Variants in TNFSF8 observed in about 807,000 individuals in gnomAD.
TNFSF8 encodes TNF superfamily member 8.
Under a neutral mutation model 22.0 loss-of-function variants are expected in TNFSF8, and 4 were observed. The observed-to-expected ratio is 0.18, with a 90% CI of 0.09 to 0.42. The LOEUF is 0.42. TNFSF8 is among the 10% of genes least tolerant of loss of function. The probability of loss-of-function intolerance (pLI) is 1.00; values close to 1 mark genes in which losing one functional copy is unlikely to be tolerated. For synonymous variants in TNFSF8, 106 were observed against 112.5 expected (o/e 0.94, Z 0.37); for missense variants, 233 against 281.8 (o/e 0.83, Z 1.24).
downstream of TNFSF8, among the ~76,000 whole-genome samples, chr9:114,899,286 G>A (rs1827689794): frequency 6.6e-6 from 1 of 151,918 alleles, no homozygotes; most frequent in African/African-American, 2.4e-5. Flanking sequence ...TTTTGGAAAT[G>A]TGGGTTGTGA....
At chr9:114,898,252 T>C (rs1039287143), downstream of TNFSF8, among the ~76,000 whole-genome samples, 22 of 152,168 alleles carry the variant, frequency 1.4e-4, no homozygotes, top group African/African-American at 5.3e-4. Flanking sequence ...TCCGCCCGCC[T>C]CGACCTCCCA....
At chr9:114,907,010 C>T (rs1244446210) in intron 2 of TNFSF8, among the ~76,000 whole-genome samples, 1 of 152,180 alleles carries the variant, frequency 6.6e-6, no homozygotes, top group Non-Finnish European at 1.5e-5. Flanking sequence ...AGCAGCCACA[C>T]CCTGGGATAT....
At chr9:114,895,374 C>T (rs930829000) in intron 4 of TNFSF8, among the ~76,000 whole-genome samples, 7 of 152,224 alleles carry the variant, frequency 4.6e-5, no homozygotes, top group African/African-American at 1.7e-4. Context: ...CTTGATACTG[C>T]ATCTCGCAAA....
intron 4 of TNFSF8, among the ~76,000 whole-genome samples, chr9:114,894,693 T>G (rs1355016494): frequency 1.3e-5 from 2 of 152,228 alleles, no homozygotes; most frequent in African/African-American, 4.8e-5. Flanking sequence ...TTCCATGTGG[T>G]GCCTGAAACC....
At chr9:114,918,193 CTT>C in intron 1 of TNFSF8, 55 bp from the exon 2 acceptor site, 5 of 1,434,778 alleles carry the variant, frequency 3.5e-6, no homozygotes, top group South Asian at 1.3e-5. Context: ...GTTGAAACAA[CTT>C]TTTTTTTTCT....
intron 1 of TNFSF8, among the ~76,000 whole-genome samples, chr9:114,923,662 T>G (rs1828021512): frequency 6.6e-6 from 1 of 151,850 alleles, no homozygotes; most frequent in South Asian, 2.1e-4. Flanking sequence ...GGACTACAGG[T>G]GTGTGCCACC....
At chr9:114,899,039 A>G (rs146025413), downstream of TNFSF8, among the ~76,000 whole-genome samples, 7 of 152,126 alleles carry the variant, frequency 4.6e-5, no homozygotes, top group Admixed American at 1.3e-4. Flanking sequence ...CTTCTCCCCC[A>G]CCACCTAGGC....
At chr9:114,894,002 G>T in exon 5 of TNFSF8, 1 of 1,249,518 alleles carries the variant, frequency 8.0e-7, no homozygotes, top group Non-Finnish European at 1.1e-6. Context: ...GTACCATCAA[G>T]TTCATGACTT....
chr9:114,898,455 G>A (rs148324317), downstream of TNFSF8, among the ~76,000 whole-genome samples: 8 of 152,326 alleles, frequency 5.3e-5, no homozygotes, highest in East Asian at 1.5e-3. Flanking sequence ...GGATTTATAA[G>A]GAGTAAGACT....
Position 114,925,838 on chromosome 9 carries a change from A to G in TNFSF8, c.195+4271T>C, listed in dbSNP as rs555057756. Among the ~76,000 whole-genome samples the G allele has an allele frequency of 2.3e-3, 345 of 152,292 alleles. 3 individuals are homozygous for G. Among genetic ancestry groups the G allele is most frequent in the African/African-American group, 7.7e-3 (322 of 41,566 alleles). ...TTCTCCCCTGGGGCTAGAGAAGCCC[A>G]GTCTCCTGGTTTACAAAACAAAGAC... On this transcript the variant is annotated intron_variant, in intron 1 of 3. Transcript: ENST00000223795.
chr9:114,895,665 A>G (rs953190540), intron 4 of TNFSF8, among the ~76,000 whole-genome samples: 6 of 152,200 alleles, frequency 3.9e-5, no homozygotes, highest in Non-Finnish European at 8.8e-5. Context: ...TTGTTCTCCC[A>G]ACAGCTTCCC....
chr9:114,899,128 G>A (rs1211690500), downstream of TNFSF8, among the ~76,000 whole-genome samples: 3 of 152,136 alleles, frequency 2.0e-5, no homozygotes, highest in Non-Finnish European at 4.4e-5. Flanking sequence ...CACCTCCACA[G>A]CTGTCCTTGC....
intron 1 of TNFSF8, among the ~76,000 whole-genome samples, chr9:114,925,571 T>C (rs1227345053): frequency 6.6e-6 from 1 of 152,158 alleles, no homozygotes; most frequent in Non-Finnish European, 1.5e-5. Flanking sequence ...TTCTATTTTG[T>C]ATCTGAGCTT....
At chr9:114,905,678 T>G in intron 3 of TNFSF8, 150 bp downstream of exon 3, 1 of 706,976 alleles carries the variant, frequency 1.4e-6, no homozygotes, top group Non-Finnish European at 2.6e-6. Context: ...CAAATTCAAA[T>G]TACAAAAAAA....
intron 2 of TNFSF8, among the ~76,000 whole-genome samples, chr9:114,907,709 T>C (rs1295457666): frequency 6.6e-6 from 1 of 152,180 alleles, no homozygotes; most frequent in Non-Finnish European, 1.5e-5. Flanking sequence ...GATAATAATA[T>C]GAATGGTCAT....
At chr9:114,916,513 C>T (rs1827921007) in intron 2 of TNFSF8, among the ~76,000 whole-genome samples, 2 of 152,144 alleles carry the variant, frequency 1.3e-5, no homozygotes, top group South Asian at 4.1e-4. Context: ...AAGTTTCCAT[C>T]TTCCTTGGAA....
At chr9:114,907,997 A>C (rs143409524) in intron 2 of TNFSF8, among the ~76,000 whole-genome samples, 1 of 152,254 alleles carries the variant, frequency 6.6e-6, no homozygotes, top group Admixed American at 6.5e-5. Flanking sequence ...CAGTCCCCCT[A>C]AACATACCAT....
At position 114,906,019 on chromosome 9, in the gene TNFSF8, A is replaced by G. The variant is rs56131087; in HGVS notation, c.239-120T>C. ...TACCGTTCTGTTTTCCATTTTCAGAATAAGGAGAAAAGCTCTTTATTTCTC... is the reference window on the plus strand; with the variant it reads ...TACCGTTCTGTTTTCCATTTTCAGAGTAAGGAGAAAAGCTCTTTATTTCTC... On this transcript the variant is annotated intron_variant, in intron 2 of 3. Coordinates refer to ENST00000223795, the MANE Select transcript of TNFSF8 (RefSeq NM_001244.4). 4.9e-3 allele frequency: 3,290 copies of G among 669,400 alleles called. 16 individuals carry two copies. The highest frequency in any genetic ancestry group is 7.0e-3 in the Non-Finnish European group (2,669 of 383,006). The allele number at this position is 669,400 out of a possible 1,614,324, so 41.5% of individuals were successfully genotyped here.
Position 114,903,710 on chromosome 9 carries a change from A to G in TNFSF8, c.*221T>C, listed in dbSNP as rs1453052810. The G allele has an allele frequency of 1.1e-5, 14 of 1,298,186 alleles. 1 individual carries two copies. The highest frequency in any genetic ancestry group is 1.4e-5 in the Non-Finnish European group (14 of 1,025,244). The allele number at this position is 1,298,186 out of a possible 1,614,324, so 80.4% of individuals were successfully genotyped here. On this transcript the variant is annotated 3_prime_UTR_variant, in exon 4 of 4. Coordinates refer to ENST00000223795, the MANE Select transcript of TNFSF8 (RefSeq NM_001244.4). ...TTCTGTGTGGGGCTCTGCCCACCAC[A>G]CTACATTGCTTCCCTGCCTGCTATC...
Sources: allele counts gnomAD v4.1 joint callset (sites outside exome capture counted in the v4.1 genomes callset), GRCh38; gene constraint gnomAD v4.1.1; transcripts MANE v1.5; gene names NCBI Gene and HGNC (gene_info 2026-07-23, HGNC 2026-07-21).